PTGER4: variants seen among roughly 807,000 people sequenced by gnomAD.
PTGER4 encodes prostaglandin E2 receptor EP4 subtype.
A neutral mutation model predicts 33.2 loss-of-function variants in PTGER4; 11 were observed. The ratio of observed to expected loss-of-function variants is 0.33; its 90% CI spans 0.21 to 0.55. PTGER4 has a LOEUF of 0.55. PTGER4 is among the 20% of genes least tolerant of loss of function. PTGER4 has a pLI of 0.92. For missense variants in PTGER4, 481 were observed against 650.2 expected, an observed-to-expected ratio of 0.74 and a Z score of 2.83; for synonymous variants, 275 against 281.5, an observed-to-expected ratio of 0.98 and a Z score of 0.23.
chr5:40,746,218 T>G, the PTGER4 span, among the ~76,000 whole-genome samples: 1 of 150,736 alleles, frequency 6.6e-6, no homozygotes, highest in Non-Finnish European at 1.5e-5. Flanking sequence ...AATAAAAAAG[T>G]AAGAAAAAGA....
At chr5:40,721,682 AAAAACAAAAC>A in the PTGER4 span, among the ~76,000 whole-genome samples, 883 of 151,910 alleles carry the variant, frequency 5.8e-3, 2 homozygotes, top group Non-Finnish European at 0.01. Context: ...CAAAAAAAAC[AAAAACAAAAC>A]AAAACAAAAC....
chr5:40,690,207 G>C (rs1319601629), intron 2 of PTGER4, among the ~76,000 whole-genome samples: 1 of 152,024 alleles, frequency 6.6e-6, no homozygotes, highest in Admixed American at 6.6e-5. Flanking sequence ...AGGCATGATG[G>C]CACACACCTG....
At chr5:40,684,230 T>C (rs1464181351) in intron 2 of PTGER4, among the ~76,000 whole-genome samples, 3 of 151,642 alleles carry the variant, frequency 2.0e-5, no homozygotes, top group Non-Finnish European at 4.4e-5. Flanking sequence ...TGTTTTCATA[T>C]TCATGTTGTA....
chr5:40,738,444 AAATACAATACAATACAATAC>A, the PTGER4 span, among the ~76,000 whole-genome samples: 72 of 83,650 alleles, frequency 8.6e-4, no homozygotes, highest in Middle Eastern at 6.1e-3. Flanking sequence ...ATATAAAATA[AAATACAATACAATACAATAC>A]AATACAATAC....
chr5:40,708,644 T>A, the PTGER4 span, among the ~76,000 whole-genome samples: 12 of 152,232 alleles, frequency 7.9e-5, no homozygotes, highest in Admixed American at 5.9e-4. Context: ...ACTATTCCAA[T>A]CAATAGAAAA....
chr5:40,700,925 C>T, the PTGER4 span, among the ~76,000 whole-genome samples: 5 of 152,282 alleles, frequency 3.3e-5, no homozygotes, highest in East Asian at 7.7e-4. Flanking sequence ...ACCAAAAATA[C>T]CTCACTAACA....
the PTGER4 span, among the ~76,000 whole-genome samples, chr5:40,727,885 G>A: frequency 3.9e-5 from 6 of 152,232 alleles, no homozygotes; most frequent in African/African-American, 1.4e-4. Context: ...TAATACCTGT[G>A]AACTGTGTTT....
chr5:40,692,893 A>G lies in PTGER4; in HGVS notation c.*515A>G. 1.0e-6 allele frequency: 1 copy of G among 983,064 alleles called. No homozygotes were observed. The highest frequency in any genetic ancestry group is 1.2e-6 in the Non-Finnish European group (1 of 827,290). 60.9% of individuals were successfully genotyped at this position (983,064 alleles called of 1,614,324 possible). A position where few individuals can be genotyped will look rare whatever the true frequency, so the allele number is the denominator to read the frequency against. Reference sequence around the variant, plus strand: ...AGGTTTATTGTTAATACAAGGTATAATAAAATTATCGCAACCCCTCTCCTT... The same window carrying G: ...AGGTTTATTGTTAATACAAGGTATAGTAAAATTATCGCAACCCCTCTCCTT... On this transcript the variant is annotated 3_prime_UTR_variant, in exon 3 of 3. Transcript: ENST00000302472.
At chr5:40,697,044 G>A (rs6862979), downstream of PTGER4, among the ~76,000 whole-genome samples, 1 of 140,756 alleles carries the variant, frequency 7.1e-6, no homozygotes, top group African/African-American at 2.7e-5. Context: ...GGAAAGAAAG[G>A]AAGGAAGGAA....
At chr5:40,726,844 G>T in the PTGER4 span, among the ~76,000 whole-genome samples, 2 of 152,066 alleles carry the variant, frequency 1.3e-5, no homozygotes, top group Non-Finnish European at 2.9e-5. Context: ...CAAGGAAAAA[G>T]TATTATATGA....
At chr5:40,705,192 T>C in the PTGER4 span, among the ~76,000 whole-genome samples, 1 of 152,102 alleles carries the variant, frequency 6.6e-6, no homozygotes, top group Non-Finnish European at 1.5e-5. Context: ...GCACCTGATC[T>C]TTGACAAAGC....
the PTGER4 span, chr5:40,730,235 G>GAA: frequency 1.4e-5 from 21 of 1,548,982 alleles, no homozygotes; most frequent in Non-Finnish European, 1.7e-5. Flanking sequence ...ATTTCATAAG[G>GAA]AAAGTGAAAT....
At chr5:40,726,214 T>TTA in the PTGER4 span, among the ~76,000 whole-genome samples, 47,974 of 149,176 alleles carry the variant, frequency 0.32, 8,283 homozygotes, top group East Asian at 0.55. Context: ...CATACATATT[T>TTA]TATATATATA....
chr5:40,688,194 A>G (rs1479389974), intron 2 of PTGER4, among the ~76,000 whole-genome samples: 1 of 152,154 alleles, frequency 6.6e-6, no homozygotes, highest in African/African-American at 2.4e-5. Context: ...CAGCAATAAA[A>G]CATTTTCAGT....
chr5:40,691,987 C>T lies in PTGER4; in HGVS notation c.1076C>T (p.Ser359Phe). The T allele has an allele frequency of 6.2e-7, 1 of 1,614,126 alleles. No individual in the cohort carries two copies. The highest frequency in any genetic ancestry group is 8.5e-7 in the Non-Finnish European group (1 of 1,180,034). Residue 359 changes from serine to phenylalanine, a missense_variant, in exon 3 of 3, where the codon TCC becomes TTC. Transcript: ENST00000302472. This position sits in a 1 kb window ranked among gnomAD's most constrained non-coding sequence, Gnocchi z 4.2. Reference sequence around the variant, plus strand: ...ATTGGCGGGTCCCGCAGGGAGCGCTCCGGACAGCACTGCTCAGACAGTCAA... The same window carrying T: ...ATTGGCGGGTCCCGCAGGGAGCGCTTCGGACAGCACTGCTCAGACAGTCAA... Reference protein sequence around the residue: ...CRIGGSRRERSGQHCSDSQRT... With the variant: ...CRIGGSRRERFGQHCSDSQRT...
Position 40,693,489 on chromosome 5 carries a change from G to A in PTGER4, c.*1111G>A, listed in dbSNP as rs535833092. The A allele has an allele frequency of 1.3e-5, 13 of 985,824 alleles. No homozygotes were observed. The highest frequency in any genetic ancestry group is 1.4e-5 in the Non-Finnish European group (12 of 829,912). The allele number at this position is 985,824 out of a possible 1,614,324, so 61.1% of individuals were successfully genotyped here. On this transcript the variant is annotated 3_prime_UTR_variant, in exon 3 of 3. Transcript: ENST00000302472. ...AAACGTGGTTACATTAGCCATTCATGTATGTCAGAAGTGCAGAATTGGGGC... is the reference window on the plus strand; with the variant it reads ...AAACGTGGTTACATTAGCCATTCATATATGTCAGAAGTGCAGAATTGGGGC...
chr5:40,681,242 C>T lies in PTGER4; in HGVS notation c.249C>T (p.Gly83=), dbSNP rs1434795129. Reference sequence around the variant, plus strand: ...TGACCATCGCCACGTACATGAAGGGCCAATGGCCCGGGGGCCAGCCGCTGT... The same window carrying T: ...TGACCATCGCCACGTACATGAAGGGTCAATGGCCCGGGGGCCAGCCGCTGT... The part of the protein sequence containing the change: ...SPVTIATYMK[G]QWPGGQPLCE... Residue 83 remains glycine (G), a synonymous_variant, in exon 2 of 3, where the codon GGC becomes GGT. Transcript: ENST00000302472. This position sits in a 1 kb window ranked among gnomAD's most constrained non-coding sequence, Gnocchi z 9.8. 2 of 1,614,130 alleles carry T rather than the reference C, an allele frequency of 1.2e-6. No individual in the cohort carries two copies. Among genetic ancestry groups the T allele is most frequent in the Non-Finnish European group, 1.7e-6 (2 of 1,180,034 alleles).
At chr5:40,708,403 C>A in the PTGER4 span, among the ~76,000 whole-genome samples, 1 of 152,186 alleles carries the variant, frequency 6.6e-6, no homozygotes, top group Non-Finnish European at 1.5e-5. Flanking sequence ...ACTATAAACA[C>A]CTCTATGCAA....
chr5:40,697,196 AAAAG>A (rs201437236), downstream of PTGER4, among the ~76,000 whole-genome samples: 1,004 of 144,400 alleles, frequency 7.0e-3, 10 homozygotes, highest in African/African-American at 0.023. Context: ...AGAAAGAAAG[AAAAG>A]AAAGAAAGAA....
Sources: allele counts gnomAD v4.1 joint callset (sites outside exome capture counted in the v4.1 genomes callset), GRCh38; gene constraint gnomAD v4.1.1; non-coding constraint Gnocchi (gnomAD v3.1); transcripts MANE v1.5; gene names NCBI Gene and HGNC (gene_info 2026-07-23, HGNC 2026-07-21).